The following NDST4 variants were observed in gnomAD, a reference collection of about 807,000 sequenced individuals.
NDST4 encodes the protein N-heparan sulfate sulfotransferase 4.
A neutral mutation model predicts 100.8 loss-of-function variants in NDST4; 63 were observed. That is an observed-to-expected ratio of 0.62 (90% CI 0.51 to 0.77). NDST4 has a LOEUF of 0.77. Among genes scored for constraint, NDST4 ranks in the 30% least tolerant of loss-of-function variants. The probability of loss-of-function intolerance (pLI) is 0.00; values close to 1 mark genes in which losing one functional copy is unlikely to be tolerated. For synonymous variants in NDST4, 377 were observed against 361.8 expected, an observed-to-expected ratio of 1.04 and a Z score of -0.48; for missense variants, 943 against 1,018.4, an observed-to-expected ratio of 0.93 and a Z score of 1.01.
rs143713200 is a variant in NDST4 at position 114,929,026 on chromosome 4, G to A, written c.1536+6180C>T. 1.0e-3 allele frequency among the ~76,000 whole-genome samples: 138 copies of A among 134,484 alleles called. 1 individual carries two copies. The highest frequency in any genetic ancestry group is 3.7e-3 in the African/African-American group (126 of 33,668). 88.2% of individuals were successfully genotyped at this position (134,484 alleles called of 152,430 possible). A position where few individuals can be genotyped will look rare whatever the true frequency, so the allele number is the denominator to read the frequency against. ...CCTCTCTCTATATCCCTATCTATCT[G>A]TCTGTCTGTCTGTCTGTCCGTCCGT... On this transcript the variant is annotated intron_variant, in intron 6 of 13. Transcript: ENST00000264363.
intron 4 of NDST4, among the ~76,000 whole-genome samples, chr4:114,967,502 C>A (rs993753065): frequency 1.3e-5 from 2 of 152,044 alleles, no homozygotes; most frequent in Non-Finnish European, 2.9e-5. Context: ...ATTACACAAA[C>A]AGGTGAAATC....
Position 114,839,392 on chromosome 4 carries a change from A to G in NDST4, c.2272T>C (p.Phe758Leu). ...CAGGACATTACCTGAGAAGTAGCAA[A>G]GTAAGTTAGCCATCTTTCTATGTGG... ...AVHIERWLTY[F>L]ATSQLLIIDG... Residue 758 changes from phenylalanine to leucine, a missense_variant, in exon 11 of 14, where the codon TTT becomes CTT. Phe to Leu is a conservative substitution (Grantham distance 22, BLOSUM62 0). Coordinates refer to ENST00000264363, the MANE Select transcript of NDST4 (RefSeq NM_022569.3). The G allele has an allele frequency of 2.5e-6, 4 of 1,610,798 alleles. No homozygotes were observed. The highest frequency in any genetic ancestry group is 3.4e-6 in the Non-Finnish European group (4 of 1,178,158).
intron 8 of NDST4, among the ~76,000 whole-genome samples, chr4:114,849,878 A>T: frequency 6.6e-6 from 1 of 152,164 alleles, no homozygotes; most frequent in East Asian, 1.9e-4. Context: ...TACAGATGTA[A>T]TAGTTATGAG....
At chr4:114,915,192 A>C (rs1725143977) in intron 6 of NDST4, among the ~76,000 whole-genome samples, 1 of 152,166 alleles carries the variant, frequency 6.6e-6, no homozygotes, top group South Asian at 2.1e-4. Context: ...GCTATCACAA[A>C]TAGCCAGTTT....
intron 2 of NDST4, among the ~76,000 whole-genome samples, chr4:114,998,179 A>C (rs920596276): frequency 6.6e-6 from 1 of 152,070 alleles, no homozygotes; most frequent in Non-Finnish European, 1.5e-5. Context: ...GAATTCTTGC[A>C]GCTGTCCACA....
intron 2 of NDST4, among the ~76,000 whole-genome samples, chr4:115,040,472 C>T (rs1728326454): frequency 6.6e-6 from 1 of 151,494 alleles, no homozygotes; most frequent in Admixed American, 6.6e-5. Context: ...CATATGAACT[C>T]TTCTGTTATC....
chr4:114,980,215 T>G (rs528770687), intron 2 of NDST4, among the ~76,000 whole-genome samples: 1 of 152,328 alleles, frequency 6.6e-6, no homozygotes, highest in Non-Finnish European at 1.5e-5. Context: ...TAAAACCCCT[T>G]ATTTTGGAAA....
At chr4:115,081,273 T>A (rs1457513445) in intron 1 of NDST4, among the ~76,000 whole-genome samples, 1 of 152,200 alleles carries the variant, frequency 6.6e-6, no homozygotes, top group African/African-American at 2.4e-5. Flanking sequence ...GGAGTTATCC[T>A]TCCCATTCAA....
intron 2 of NDST4, 105 bp downstream of exon 2, chr4:115,075,954 C>T (rs1474320015): frequency 7.4e-7 from 1 of 1,351,036 alleles, no homozygotes; most frequent in Admixed American, 2.6e-5. Flanking sequence ...TTCAACTCTA[C>T]TGCACCTTAA....
At chr4:114,956,591 T>C (rs1380774296) in intron 4 of NDST4, among the ~76,000 whole-genome samples, 2 of 152,172 alleles carry the variant, frequency 1.3e-5, no homozygotes, top group African/African-American at 2.4e-5. Context: ...ATACAGCTGA[T>C]AATTAGTATA....
chr4:115,031,163 C>T (rs1728106896), intron 2 of NDST4, among the ~76,000 whole-genome samples: 1 of 152,036 alleles, frequency 6.6e-6, no homozygotes, highest in Admixed American at 6.6e-5. Flanking sequence ...CTTCAACTCC[C>T]CAGCCCAGAT....
At chr4:114,845,313 T>G (rs913983029) in intron 10 of NDST4, among the ~76,000 whole-genome samples, 1 of 152,072 alleles carries the variant, frequency 6.6e-6, no homozygotes, top group Non-Finnish European at 1.5e-5. Flanking sequence ...GCCTGGGTAA[T>G]AGAGTGAGAC....
chr4:114,929,699 T>C (rs1460179287), intron 6 of NDST4, among the ~76,000 whole-genome samples: 1 of 152,230 alleles, frequency 6.6e-6, no homozygotes, highest in Admixed American at 6.5e-5. Context: ...GTTTGATTAG[T>C]TCACAAGTGG....
chr4:115,021,045 C>G (rs1235087167), intron 2 of NDST4, among the ~76,000 whole-genome samples: 1 of 152,016 alleles, frequency 6.6e-6, no homozygotes, highest in Non-Finnish European at 1.5e-5. Context: ...CATGATCCAG[C>G]AATCCCACTA....
At chr4:115,022,661 C>T (rs1727883769) in intron 2 of NDST4, among the ~76,000 whole-genome samples, 1 of 152,006 alleles carries the variant, frequency 6.6e-6, no homozygotes, top group Non-Finnish European at 1.5e-5. Context: ...ATGTCCCCAC[C>T]CGAATCTCAT....
At chr4:115,066,899 G>T (rs1029956071) in intron 2 of NDST4, among the ~76,000 whole-genome samples, 1 of 152,090 alleles carries the variant, frequency 6.6e-6, no homozygotes, top group African/African-American at 2.4e-5. Flanking sequence ...TCTGTTGTGT[G>T]CCCTATGTCA....
At chr4:114,877,509 T>C (rs1251219297) in intron 6 of NDST4, among the ~76,000 whole-genome samples, 4 of 152,138 alleles carry the variant, frequency 2.6e-5, no homozygotes, top group African/African-American at 9.7e-5. Flanking sequence ...GATGCCAAGT[T>C]TTTCACAATG....
intron 1 of NDST4, among the ~76,000 whole-genome samples, chr4:115,106,646 A>G (rs990671404): frequency 2.6e-5 from 4 of 152,162 alleles, no homozygotes; most frequent in Non-Finnish European, 5.9e-5. Context: ...CATGTTTAGT[A>G]CAGAAACAAT....
intron 3 of NDST4, among the ~76,000 whole-genome samples, chr4:114,971,180 A>G (rs1028974634): frequency 2.0e-5 from 3 of 152,054 alleles, no homozygotes; most frequent in African/African-American, 4.8e-5. Context: ...ATATTTTTGC[A>G]TGCTTAAATT....
Sources: allele counts gnomAD v4.1 joint callset (sites outside exome capture counted in the v4.1 genomes callset), GRCh38; gene constraint gnomAD v4.1.1; transcripts MANE v1.5; gene names NCBI Gene and HGNC (gene_info 2026-07-23, HGNC 2026-07-21).